PI4KB: variants seen among roughly 807,000 people sequenced by gnomAD.
The protein encoded by PI4KB is PtdIns 4-kinase beta.
In PI4KB, 23 loss-of-function variants were observed where a neutral mutation model predicts 81.4. The observed-to-expected ratio is 0.28, with a 90% CI of 0.20 to 0.40. The LOEUF (loss-of-function observed/expected upper bound fraction) is 0.40. Among genes scored for constraint, PI4KB ranks in the 10% least tolerant of loss-of-function variants. The pLI is 1.00. For synonymous variants in PI4KB, 381 were observed against 406.8 expected (o/e 0.94, Z 0.76); for missense variants, 651 against 1,036.6 (o/e 0.63, Z 5.11).
chr1:151,317,886 G>C (rs1365345049), intron 1 of PI4KB, among the ~76,000 whole-genome samples: 1 of 151,954 alleles, frequency 6.6e-6, no homozygotes, highest in Admixed American at 6.6e-5. Flanking sequence ...ATAGCTCACT[G>C]TAACCTTGAA....
chr1:151,310,089 C>T, intron 3 of PI4KB, 122 bp downstream of exon 3: 1 of 692,252 alleles, frequency 1.4e-6, no homozygotes, highest in South Asian at 1.7e-5. Flanking sequence ...AGCTGATCTC[C>T]CAGTAAGAAA....
chr1:151,302,036 A>T (rs587644390), intron 7 of PI4KB, 69 bp from the exon 8 acceptor site: 2 of 1,601,014 alleles, frequency 1.2e-6, no homozygotes, highest in East Asian at 4.5e-5. Flanking sequence ...TGGCTTCCAC[A>T]AAAAATCCCA....
rs747147472 is a variant in PI4KB, at chr1:151,315,932, T to C, written c.550A>G (p.Ile184Val). 1 of 1,613,510 alleles carries C rather than the reference T, an allele frequency of 6.2e-7. No homozygotes were observed. The highest frequency in any genetic ancestry group is 8.5e-7 in the Non-Finnish European group (1 of 1,179,576). ...FYLPQLLNMY[I>V]HMDEDVGDAI... The stretch of plus-strand genomic sequence containing the variant: ...TCACCCACGTCCTCATCCATGTGGA[T>C]GTACATGTTAAGCAACTGGGGCAGA... Residue 184 changes from isoleucine (I) to valine (V), a missense_variant, in exon 2 of 12, where the codon ATC (isoleucine) becomes GTC (valine). Physicochemically the swap from Ile to Val is conservative, Grantham distance 29 (BLOSUM62 3). Around this residue, in one of 5 missense-constraint regions of PI4KB, gnomAD observed 314 missense variants for 397.8 expected, o/e 0.79. Transcript: ENST00000368873.
intron 3 of PI4KB, 111 bp downstream of exon 3, chr1:151,310,100 A>T: frequency 1.4e-6 from 1 of 734,548 alleles, no homozygotes; most frequent in African/African-American, 1.7e-5. Context: ...CAGTAAGAAA[A>T]GGGGCATTTT....
Position 151,292,524 on chromosome 1 carries a change from C to A in PI4KB, c.*328G>T. On this transcript the variant is annotated 3_prime_UTR_variant, in exon 12 of 12. Transcript: ENST00000368873. Reference sequence around the variant, plus strand: ...CCTGTGGAAAGAACCTCTGAGAGACCCCTACAAGGAGAAGAAAGGCCCCAG... The same window carrying A: ...CCTGTGGAAAGAACCTCTGAGAGACACCTACAAGGAGAAGAAAGGCCCCAG... 3.9e-6 allele frequency: 1 copy of A among 259,198 alleles called. No individual in the cohort carries two copies. Among genetic ancestry groups the A allele is most frequent in the Non-Finnish European group, 7.5e-6 (1 of 133,692 alleles). The allele number at this position is 259,198 out of a possible 1,614,324, so 16.1% of individuals were successfully genotyped here.
At chr1:151,293,729 G>A (rs587729029) in intron 11 of PI4KB, 30 of 383,564 alleles carry the variant, frequency 7.8e-5, no homozygotes, top group African/African-American at 6.1e-4. Flanking sequence ...CTGGACAGGG[G>A]TGGGGAGGTG....
At chr1:151,296,736 C>G (rs1245175718) in intron 9 of PI4KB, among the ~76,000 whole-genome samples, 3 of 151,292 alleles carry the variant, frequency 2.0e-5, no homozygotes, top group African/African-American at 7.3e-5. Flanking sequence ...TCCCAAAGTG[C>G]TGGGATTACA....
At chr1:151,299,128 A>G (rs1695039317) in intron 8 of PI4KB, 55 bp from the exon 9 acceptor site, 14 of 1,527,448 alleles carry the variant, frequency 9.2e-6, no homozygotes, top group Admixed American at 1.7e-5. Context: ...ACTAGAGAAG[A>G]AGGCTAAAAC....
chr1:151,316,531 A>T (rs1647972793), intron 1 of PI4KB, 22 bp from the exon 2 acceptor site: 3 of 1,490,078 alleles, frequency 2.0e-6, no homozygotes, highest in Admixed American at 2.3e-5. Context: ...GGGAGGGAGA[A>T]AAGAACAGAA....
At position 151,294,343 on chromosome 1, in the gene PI4KB, C is replaced by T. The variant is rs1045191578; in HGVS notation, c.2148+66G>A. 3.2e-6 allele frequency: 5 copies of T among 1,577,612 alleles called. No individual in the cohort carries two copies. In the African/African-American group the frequency reaches 6.8e-5, roughly 21 times the overall value. The stretch of plus-strand genomic sequence containing the variant: ...CCCTAATTTGCAGGGAGCCCATCAG[C>T]TCCCTCTCCCATGACAGAGAAAGAA... On this transcript the variant is annotated intron_variant, in intron 10 of 11. Transcript: ENST00000368873.
At chr1:151,321,988 T>C (rs1436101893) in intron 1 of PI4KB, among the ~76,000 whole-genome samples, 2 of 151,766 alleles carry the variant, frequency 1.3e-5, no homozygotes, top group Non-Finnish European at 2.9e-5. Context: ...CTTCCCCTTC[T>C]AAGTCAGAGG....
At chr1:151,296,721 C>T (rs587714255) in intron 9 of PI4KB, among the ~76,000 whole-genome samples, 3 of 152,146 alleles carry the variant, frequency 2.0e-5, no homozygotes, top group East Asian at 1.9e-4. Flanking sequence ...TTGCCCACCT[C>T]GGCCTCCCAA....
At chr1:151,326,316 G>C in intron 1 of PI4KB, 1 of 745,698 alleles carries the variant, frequency 1.3e-6, no homozygotes, top group Non-Finnish European at 2.2e-6. Context: ...GCCTGAGGCA[G>C]CTGAGGCTCC....
chr1:151,304,675 A>G (rs1464454251), intron 5 of PI4KB, among the ~76,000 whole-genome samples: 2 of 143,316 alleles, frequency 1.4e-5, no homozygotes, highest in Non-Finnish European at 3.1e-5. Context: ...TTTTGTTTTA[A>G]GACAGAGTCT....
At chr1:151,303,172 T>C (rs1695446598) in intron 6 of PI4KB, among the ~76,000 whole-genome samples, 1 of 151,260 alleles carries the variant, frequency 6.6e-6, no homozygotes, top group Non-Finnish European at 1.5e-5. Flanking sequence ...CTAATTTTTT[T>C]GTATTTTTAA....
intron 11 of PI4KB, 90 bp from the exon 12 acceptor site, chr1:151,293,123 G>A (rs1571120446): frequency 2.6e-6 from 4 of 1,546,588 alleles, no homozygotes; most frequent in East Asian, 4.5e-5. Context: ...GGCATCTGAA[G>A]TGCCCTTTTC....
intron 8 of PI4KB, among the ~76,000 whole-genome samples, chr1:151,300,343 A>G (rs1303923246): frequency 3.9e-5 from 6 of 152,352 alleles, no homozygotes; most frequent in Middle Eastern, 3.4e-3. Flanking sequence ...GCGGTGGCTC[A>G]TGCCTGTAAT....
At chr1:151,307,449 C>T (rs1228668106) in intron 4 of PI4KB, 125 bp downstream of exon 4, 4 of 645,092 alleles carry the variant, frequency 6.2e-6, no homozygotes. Context: ...TTGACATATG[C>T]ATCATGAACT....
rs1694276130 is a variant in PI4KB, at chr1:151,291,804, T to G, written c.*1048A>C. 1.3e-5 allele frequency: 2 copies of G among 152,510 alleles called. No individual in the cohort carries two copies. Among genetic ancestry groups the G allele is most frequent in the South Asian group, 4.1e-4 (2 of 4,828 alleles). 9.4% of individuals were successfully genotyped at this position (152,510 alleles called of 1,614,324 possible). A position where few individuals can be genotyped will look rare whatever the true frequency, so the allele number is the denominator to read the frequency against. ...GGCCACAGGAGAGGAGGGGACAGGC[T>G]CTCAGGAATCCTTTATTCTTGTAGT... On this transcript the variant is annotated 3_prime_UTR_variant, in exon 12 of 12. Transcript: ENST00000368873.
Sources: allele counts gnomAD v4.1 joint callset (sites outside exome capture counted in the v4.1 genomes callset), GRCh38; gene constraint gnomAD v4.1.1; regional missense constraint gnomAD v4.1.1; transcripts MANE v1.5; gene names NCBI Gene and HGNC (gene_info 2026-07-23, HGNC 2026-07-21).